Variants in SLC35F1 observed in about 807,000 individuals in gnomAD.
The protein encoded by SLC35F1 is chromosome 6 open reading frame 169.
Under a neutral mutation model 48.7 loss-of-function variants are expected in SLC35F1, and 14 were observed. The observed-to-expected ratio is 0.29, with a 90% confidence interval of 0.19 to 0.45. The LOEUF (loss-of-function observed/expected upper bound fraction) is 0.45. Ranked by LOEUF, SLC35F1 falls within the 20% of genes least tolerant of loss-of-function variation. SLC35F1 has a pLI of 1.00. For missense variants in SLC35F1, 404 were observed against 500.0 expected, an observed-to-expected ratio of 0.81 and a Z score of 1.83; for synonymous variants, 190 against 202.2, an observed-to-expected ratio of 0.94 and a Z score of 0.51.
At chr6:118,135,019 G>T (rs1415187996) in intron 1 of SLC35F1, among the ~76,000 whole-genome samples, 1 of 152,170 alleles carries the variant, frequency 6.6e-6, no homozygotes, top group African/African-American at 2.4e-5. Context: ...TGGAGGAAAA[G>T]GTCAAACAGA....
At chr6:117,998,929 T>C in intron 1 of SLC35F1, 1 of 778,886 alleles carries the variant, frequency 1.3e-6, no homozygotes, top group South Asian at 1.4e-5. Flanking sequence ...TAAAATCAGC[T>C]CTTCCGGTTC....
intron 1 of SLC35F1, among the ~76,000 whole-genome samples, chr6:118,043,081 G>A (rs1318179166): frequency 1.3e-5 from 2 of 152,126 alleles, no homozygotes; most frequent in African/African-American, 4.8e-5. Context: ...TTATAAAGAT[G>A]ACTTATCTCA....
At chr6:118,248,534 CTT>C (rs1775535717) in intron 3 of SLC35F1, among the ~76,000 whole-genome samples, 1 of 152,052 alleles carries the variant, frequency 6.6e-6, no homozygotes, top group Non-Finnish European at 1.5e-5. Context: ...CAGGGAGAGA[CTT>C]GAAAACACCA....
intron 7 of SLC35F1, among the ~76,000 whole-genome samples, chr6:118,298,221 T>C (rs1776215254): frequency 6.6e-6 from 1 of 152,200 alleles, no homozygotes; most frequent in Middle Eastern, 3.2e-3. Flanking sequence ...GCAATGCAAA[T>C]GGACTAATAC....
intron 1 of SLC35F1, among the ~76,000 whole-genome samples, chr6:118,139,591 C>T (rs1334670310): frequency 1.3e-5 from 2 of 152,160 alleles, no homozygotes; most frequent in Non-Finnish European, 2.9e-5. Context: ...CATAAAAAGT[C>T]AGTCTATCTT....
chr6:118,146,913 T>C (rs1215367115), intron 1 of SLC35F1, among the ~76,000 whole-genome samples: 1 of 152,200 alleles, frequency 6.6e-6, no homozygotes, highest in Non-Finnish European at 1.5e-5. Context: ...CAAGAGTTGA[T>C]GTGCACAGAT....
chr6:117,982,822 AC>A (rs1057118387), intron 1 of SLC35F1, among the ~76,000 whole-genome samples: 4 of 152,218 alleles, frequency 2.6e-5, no homozygotes, highest in African/African-American at 9.6e-5. Flanking sequence ...TGGAACTGAA[AC>A]AAAAAAACGT....
chr6:118,119,536 C>T (rs189011626), intron 1 of SLC35F1, among the ~76,000 whole-genome samples: 1 of 124,284 alleles, frequency 8.0e-6, no homozygotes, highest in Admixed American at 9.7e-5. Context: ...CGGAGTTTCA[C>T]TCTTGTCGCC....
At chr6:118,309,983 A>G (rs1776354723) in intron 7 of SLC35F1, among the ~76,000 whole-genome samples, 1 of 152,214 alleles carries the variant, frequency 6.6e-6, no homozygotes, top group African/African-American at 2.4e-5. Flanking sequence ...GTGTTCTCAA[A>G]GAGATTCATG....
intron 2 of SLC35F1, among the ~76,000 whole-genome samples, chr6:118,222,253 A>G (rs1018262542): frequency 3.9e-5 from 6 of 152,154 alleles, no homozygotes; most frequent in African/African-American, 1.4e-4. Flanking sequence ...CATTCGACAG[A>G]CCAAACTTTG....
Position 117,923,635 on chromosome 6 carries a change from G to GTACACATATACATATGTATATA in SLC35F1, c.173+15740_173+15741insCATATACATATGTATATATACA, listed in dbSNP as rs1775942022. Among the ~76,000 whole-genome samples, 20 of 93,706 alleles carry GTACACATATACATATGTATATA rather than the reference G, an allele frequency of 2.1e-4. 4 individuals carry two copies. In the South Asian group the frequency reaches 6.5e-3, roughly 30 times the overall value. 61.5% of individuals were successfully genotyped at this position (93,706 alleles called of 152,430 possible). A position where few individuals can be genotyped will look rare whatever the true frequency, so the allele number is the denominator to read the frequency against. The stretch of plus-strand genomic sequence containing the variant: ...TATACATATGTATATATACATATAT[G>GTACACATATACATATGTATATA]TACATATGTACATATGTACATATGT... On this transcript the variant is annotated intron_variant, in intron 1 of 7. Transcript: ENST00000360388.
chr6:117,997,378 C>T (rs1777010323), intron 1 of SLC35F1, among the ~76,000 whole-genome samples: 1 of 146,694 alleles, frequency 6.8e-6, no homozygotes, highest in South Asian at 2.4e-4. Context: ...GAACTTCCCC[C>T]ATCTAGCAAG....
intron 1 of SLC35F1, among the ~76,000 whole-genome samples, chr6:118,073,755 C>T (rs1221753101): frequency 6.6e-6 from 1 of 151,972 alleles, no homozygotes. Flanking sequence ...ATGAGTAATA[C>T]ATATTTTTAT....
chr6:117,941,850 A>G (rs1412125340), intron 1 of SLC35F1, among the ~76,000 whole-genome samples: 2 of 152,208 alleles, frequency 1.3e-5, no homozygotes, highest in Non-Finnish European at 2.9e-5. Flanking sequence ...CCCCATCCAC[A>G]TATGGAAAAC....
chr6:118,033,677 A>G (rs1275064827), intron 1 of SLC35F1, among the ~76,000 whole-genome samples: 2 of 151,792 alleles, frequency 1.3e-5, no homozygotes, highest in African/African-American at 4.8e-5. Flanking sequence ...ATGATGAGAA[A>G]CCTCAGGTCC....
intron 2 of SLC35F1, among the ~76,000 whole-genome samples, chr6:118,212,410 C>T (rs1775011067): frequency 6.6e-6 from 1 of 152,116 alleles, no homozygotes; most frequent in South Asian, 2.1e-4. Flanking sequence ...AATCATATAG[C>T]TGGGCGCAGT....
chr6:117,918,001 C>T (rs1775848519), intron 1 of SLC35F1, among the ~76,000 whole-genome samples: 2 of 152,072 alleles, frequency 1.3e-5, no homozygotes, highest in African/African-American at 4.8e-5. Context: ...AGGCAATAAG[C>T]AGTCCACTGT....
At chr6:118,119,498 C>CCCT (rs1303782204) in intron 1 of SLC35F1, among the ~76,000 whole-genome samples, 1 of 69,804 alleles carries the variant, frequency 1.4e-5, no homozygotes, top group East Asian at 8.0e-4. Context: ...ACCGGCGCCC[C>CCCT]CCCTCCACCC....
chr6:118,063,602 T>G (rs1772574032), intron 1 of SLC35F1, among the ~76,000 whole-genome samples: 1 of 152,124 alleles, frequency 6.6e-6, no homozygotes, highest in South Asian at 2.1e-4. Flanking sequence ...ATCAAAGCTG[T>G]GTATACAATT....
Sources: gnomAD v4.1 joint callset for allele counts (sites outside exome capture counted in the v4.1 genomes callset) on GRCh38, gnomAD v4.1.1 for gene constraint, MANE v1.5 for transcripts, NCBI Gene and HGNC (gene_info 2026-07-23, HGNC 2026-07-21) for gene names.